HYDIN: variants seen among roughly 807,000 people sequenced by gnomAD.
The protein encoded by HYDIN is axonemal central pair apparatus protein HYDIN.
In HYDIN, 132 loss-of-function variants were observed where a neutral mutation model predicts 403.9. The ratio of observed to expected loss-of-function variants is 0.33; its 90% CI spans 0.28 to 0.38. The LOEUF is 0.38. Among genes scored for constraint, HYDIN ranks in the 10% least tolerant of loss-of-function variants. The probability of loss-of-function intolerance (pLI) is 1.00; values close to 1 mark genes in which losing one functional copy is unlikely to be tolerated. For missense variants in HYDIN, 2,827 were observed against 5,009.5 expected (o/e 0.56, Z 13.15); for synonymous variants, 1,202 against 1,891.7 (o/e 0.64, Z 9.46).
At position 71,130,869 on chromosome 16, in the gene HYDIN, G is replaced by A. The variant is rs538893602; in HGVS notation, c.1044-1046C>T. On this transcript the variant is annotated intron_variant, in intron 8 of 85. Transcript: ENST00000393567. ...CAAAATGCTCAAGCTATGCCTTAAGGCACCTCCTTTTCTCTCTTTTTCTAG... is the reference window on the plus strand; with the variant it reads ...CAAAATGCTCAAGCTATGCCTTAAGACACCTCCTTTTCTCTCTTTTTCTAG... 7.3e-5 allele frequency among the ~76,000 whole-genome samples: 11 copies of A among 151,422 alleles called. No homozygotes were observed. The East Asian group carries it at 2.2e-3, about 30-fold the overall frequency.
chr16:71,208,797 GA>G (rs1263252632), intron 1 of HYDIN, among the ~76,000 whole-genome samples: 1 of 152,102 alleles, frequency 6.6e-6, no homozygotes, highest in African/African-American at 2.4e-5. Context: ...AAATCTAGAA[GA>G]AATGGATAAA....
intron 9 of HYDIN, among the ~76,000 whole-genome samples, chr16:71,126,834 T>C (rs1470868103): frequency 6.6e-6 from 1 of 152,146 alleles, no homozygotes; most frequent in Non-Finnish European, 1.5e-5. Context: ...GCATTTCTTC[T>C]AAAAATCCTT....
chr16:70,902,649 G>A (rs2076414044), intron 52 of HYDIN, among the ~76,000 whole-genome samples: 1 of 146,022 alleles, frequency 6.8e-6, no homozygotes, highest in Non-Finnish European at 1.5e-5. Flanking sequence ...AGCTTAGAGA[G>A]GTTAATTGAT....
At chr16:70,877,252 A>G (rs1468842716) in intron 62 of HYDIN, among the ~76,000 whole-genome samples, 2 of 149,378 alleles carry the variant, frequency 1.3e-5, no homozygotes, top group Non-Finnish European at 2.9e-5. Flanking sequence ...TCCCAGAAGT[A>G]GAGATTAGAG....
At chr16:70,902,817 ATATATTTTTTT>A (rs1298655095) in intron 52 of HYDIN, among the ~76,000 whole-genome samples, 9 of 15,654 alleles carry the variant, frequency 5.7e-4, no homozygotes, top group South Asian at 2.5e-3. Context: ...ATATATATAT[ATATATTTTTTT>A]TTTTTTTTTT....
rs540780061 is a variant in HYDIN at position 71,034,688 on chromosome 16, T to C, written c.2530-2771A>G. ...CTACATGGGAAATAAGTAAATTGCATTTTAAAATTTAAATGAATTAAATAA... is the reference window on the plus strand; with the variant it reads ...CTACATGGGAAATAAGTAAATTGCACTTTAAAATTTAAATGAATTAAATAA... On this transcript the variant is annotated intron_variant, in intron 18 of 85. Transcript: ENST00000393567. Among the ~76,000 whole-genome samples the C allele has an allele frequency of 4.8e-3, 727 of 152,276 alleles. 4 individuals carry two copies. Among genetic ancestry groups the C allele is most frequent in the Middle Eastern group, 0.02 (6 of 294 alleles).
chr16:71,116,033 G>A (rs2084013296), intron 9 of HYDIN, among the ~76,000 whole-genome samples: 1 of 152,024 alleles, frequency 6.6e-6, no homozygotes, highest in Admixed American at 6.6e-5. Flanking sequence ...GACCTGGTCT[G>A]TCTACTCTCT....
chr16:70,833,915 T>A lies in HYDIN; in HGVS notation c.13651A>T (p.Met4551Leu), dbSNP rs374868182. ...GCACCCACATCGCCTGTGTTCATCA[T>A]GAGGATGCGACGTGTGGCTTGCGTC... ...YQTQATRRIL[M>L]MNTGDVGARF... The change falls in exon 79 of 86, where the codon ATG (methionine) becomes TTG (leucine). Residue 4551 changes from methionine to leucine, a missense_variant. Coordinates refer to ENST00000393567, the MANE Select transcript of HYDIN (RefSeq NM_001270974.2). 1.2e-6 allele frequency: 2 copies of A among 1,613,604 alleles called. No homozygotes were observed. Among genetic ancestry groups the A allele is most frequent in the Admixed American group, 1.7e-5 (1 of 60,010 alleles).
chr16:71,079,234 A>T (rs1404534121), intron 13 of HYDIN, among the ~76,000 whole-genome samples: 4 of 152,162 alleles, frequency 2.6e-5, no homozygotes, highest in Non-Finnish European at 5.9e-5. Context: ...TCTTCAGTTT[A>T]GAAATTCTCA....
At position 70,886,490 on chromosome 16, in the gene HYDIN, C is replaced by G. The variant is rs576790639; in HGVS notation, c.9775-2366G>C. Among the ~76,000 whole-genome samples, 4 of 151,910 alleles carry G rather than the reference C, an allele frequency of 2.6e-5. No individual in the cohort carries two copies. In the East Asian group the frequency reaches 7.7e-4, roughly 29 times the overall value. ...GAGAAGTAAGGTCTACTGAATTTAC[C>G]TACATTATTGCTTACCATGTTTTTT... On this transcript the variant is annotated intron_variant, in intron 58 of 85. Transcript: ENST00000393567.
Position 71,184,936 on chromosome 16 carries a change from C to T in HYDIN, c.190G>A (p.Ala64Thr), listed in dbSNP as rs868048655. The change falls in exon 3 of 86, where the codon GCA becomes ACA. Residue 64 changes from alanine (A) to threonine (T), a missense_variant. By Grantham distance (58) the Ala-to-Thr change is moderately conservative. Transcript: ENST00000393567. ...GGTCGGCACATCAAACGTGTTTTTG[C>T]CAGTCTCTGCTCGGTGGTCAGGGAC... Reference protein sequence around the residue: ...EMSLTTEQRLAKTRLMCRPQI... With the variant: ...EMSLTTEQRLTKTRLMCRPQI... The T allele has an allele frequency of 2.5e-6, 4 of 1,610,848 alleles. No individual in the cohort carries two copies. The highest frequency in any genetic ancestry group is 3.4e-6 in the Non-Finnish European group (4 of 1,177,818).
chr16:70,971,093 T>C (rs550169084), intron 35 of HYDIN, among the ~76,000 whole-genome samples: 1 of 152,344 alleles, frequency 6.6e-6, no homozygotes, highest in South Asian at 2.1e-4. Flanking sequence ...CAGCTGCCAC[T>C]GTCTGCATCT....
intron 1 of HYDIN, among the ~76,000 whole-genome samples, chr16:71,219,854 C>T (rs551867865): frequency 6.6e-6 from 1 of 152,298 alleles, no homozygotes; most frequent in East Asian, 1.9e-4. Context: ...ATGCTAAGTG[C>T]TTCTGCAGTG....
chr16:70,919,650 C>T (rs2143810516), intron 46 of HYDIN, among the ~76,000 whole-genome samples: 1 of 152,110 alleles, frequency 6.6e-6, no homozygotes, highest in East Asian at 1.9e-4. Context: ...GAGTTTAAGA[C>T]CAGCCTGACC....
In HYDIN at chr16:71,175,492, C is replaced by G. The variant is rs541116553; in HGVS notation, c.516+115G>C. The stretch of plus-strand genomic sequence containing the variant: ...CAAATGTCAATACCAAGACCACCAT[C>G]AATACCACCACCACCACCACCACCA... On this transcript the variant is annotated intron_variant, in intron 5 of 85. Transcript: ENST00000393567. The G allele has an allele frequency of 1.4e-5, 15 of 1,099,142 alleles. No homozygotes were observed. In the African/African-American group the frequency reaches 2.2e-4, roughly 16 times the overall value. 68.1% of individuals were successfully genotyped at this position (1,099,142 alleles called of 1,614,324 possible).
At chr16:71,173,749 T>A (rs1222508533) in intron 5 of HYDIN, among the ~76,000 whole-genome samples, 1 of 152,196 alleles carries the variant, frequency 6.6e-6, no homozygotes. Context: ...TTTTGACAAA[T>A]GAATTCAGCC....
chr16:71,189,218 A>T (rs972074525), intron 1 of HYDIN, among the ~76,000 whole-genome samples: 2 of 152,222 alleles, frequency 1.3e-5, no homozygotes, highest in African/African-American at 2.4e-5. Context: ...ATAAACCAGT[A>T]ACAGTGGTTA....
intron 4 of HYDIN, among the ~76,000 whole-genome samples, 162 bp downstream of exon 4, chr16:71,178,766 C>T (rs2086786939): frequency 1.3e-5 from 2 of 152,098 alleles, no homozygotes; most frequent in Admixed American, 1.3e-4. Context: ...ACAGACACAG[C>T]CTTGTCGTCA....
At chr16:70,923,011 G>A (rs1473446087) in intron 45 of HYDIN, among the ~76,000 whole-genome samples, 1 of 152,052 alleles carries the variant, frequency 6.6e-6, no homozygotes, top group East Asian at 1.9e-4. Flanking sequence ...CAAGTGATCT[G>A]CCTGTCTCAG....
Sources: allele counts gnomAD v4.1 joint callset (sites outside exome capture counted in the v4.1 genomes callset), GRCh38; gene constraint gnomAD v4.1.1; transcripts MANE v1.5; gene names NCBI Gene and HGNC (gene_info 2026-07-23, HGNC 2026-07-21).